BNC2: variants seen among roughly 807,000 people sequenced by gnomAD.
The protein encoded by BNC2 is zinc finger protein basonuclin-2.
Under a neutral mutation model 76.3 loss-of-function variants are expected in BNC2, and 20 were observed. The observed-to-expected ratio is 0.26, with a 90% CI of 0.18 to 0.38. The LOEUF (loss-of-function observed/expected upper bound fraction) is 0.38. Among genes scored for constraint, BNC2 ranks in the 10% least tolerant of loss-of-function variants. The probability of loss-of-function intolerance (pLI) is 1.00; values close to 1 mark genes in which losing one functional copy is unlikely to be tolerated. For synonymous variants in BNC2, 582 were observed against 514.8 expected (o/e 1.13, Z -1.77); for missense variants, 1,382 against 1,399.8 (o/e 0.99, Z 0.20).
chr9:16,659,411 C>T (rs1205073238), intron 3 of BNC2, among the ~76,000 whole-genome samples: 3 of 151,920 alleles, frequency 2.0e-5, no homozygotes, highest in Non-Finnish European at 4.4e-5. Flanking sequence ...AGATTGAGAC[C>T]ATCCTGGCCA....
At chr9:16,605,331 ACT>A (rs1316814585) in intron 3 of BNC2, among the ~76,000 whole-genome samples, 3 of 152,200 alleles carry the variant, frequency 2.0e-5, no homozygotes, top group African/African-American at 7.2e-5. Context: ...TGTTCTAAAC[ACT>A]CTGAATGGAC....
At chr9:16,609,430 A>C (rs1317141998) in intron 3 of BNC2, among the ~76,000 whole-genome samples, 2 of 152,180 alleles carry the variant, frequency 1.3e-5, no homozygotes, top group East Asian at 3.8e-4. Context: ...CTACAGGCCC[A>C]AAGGTGAAAG....
intron 5 of BNC2, among the ~76,000 whole-genome samples, chr9:16,514,863 A>T (rs1211951926): frequency 6.6e-6 from 1 of 152,248 alleles, no homozygotes; most frequent in Non-Finnish European, 1.5e-5. Context: ...TTCTTTCTTC[A>T]TTGCTAATGG....
intron 3 of BNC2, among the ~76,000 whole-genome samples, chr9:16,635,013 C>G (rs1035118050): frequency 6.6e-6 from 1 of 152,148 alleles, no homozygotes; most frequent in Non-Finnish European, 1.5e-5. Flanking sequence ...GTATAAATTA[C>G]ATACCGTATA....
Position 16,418,836 on chromosome 9 carries a change from A to G in BNC2, c.*153T>C. On this transcript the variant is annotated 3_prime_UTR_variant, in exon 7 of 7. Coordinates refer to ENST00000380672, the MANE Select transcript of BNC2 (RefSeq NM_017637.6). Reference sequence around the variant, plus strand: ...TTTATCTTGTTTATCTCAAGGAAATACGTGTGTGTATATGTAGCCACAGAG... The same window carrying G: ...TTTATCTTGTTTATCTCAAGGAAATGCGTGTGTGTATATGTAGCCACAGAG... 1.2e-6 allele frequency: 1 copy of G among 824,072 alleles called. No individual in the cohort carries two copies. Among genetic ancestry groups the G allele is most frequent in the Non-Finnish European group, 2.0e-6 (1 of 506,278 alleles). The allele number at this position is 824,072 out of a possible 1,614,324, so 51.0% of individuals were successfully genotyped here.
intron 3 of BNC2, among the ~76,000 whole-genome samples, chr9:16,641,540 C>G (rs1423462988): frequency 6.6e-6 from 1 of 152,136 alleles, no homozygotes; most frequent in African/African-American, 2.4e-5. Flanking sequence ...GTCTAATTTG[C>G]TAGACTGTTT....
intron 1 of BNC2, among the ~76,000 whole-genome samples, chr9:16,765,383 TGAA>T (rs1222516513): frequency 6.6e-6 from 1 of 152,156 alleles, no homozygotes; most frequent in Non-Finnish European, 1.5e-5. Context: ...AATCCACCCC[TGAA>T]ATGAAGGGAT....
intron 3 of BNC2, among the ~76,000 whole-genome samples, chr9:16,641,131 G>C (rs1821481505): frequency 1.3e-5 from 2 of 152,146 alleles, no homozygotes; most frequent in African/African-American, 4.8e-5. Flanking sequence ...CTATGTTGTA[G>C]AAATCATTAC....
intron 5 of BNC2, among the ~76,000 whole-genome samples, chr9:16,478,909 A>G (rs757026309): frequency 1.2e-4 from 18 of 152,228 alleles, no homozygotes; most frequent in Non-Finnish European, 2.4e-4. Flanking sequence ...ACCAATAAGC[A>G]AATGGGACTT....
chr9:16,790,841 A>G lies in BNC2; in HGVS notation c.4-52356T>C, dbSNP rs554162091. Among the ~76,000 whole-genome samples, 9 of 131,598 alleles carry G rather than the reference A, an allele frequency of 6.8e-5. No individual in the cohort carries two copies. The South Asian group carries it at 7.3e-4, about 11-fold the overall frequency. 86.3% of individuals were successfully genotyped at this position (131,598 alleles called of 152,430 possible). Reference sequence around the variant, plus strand: ...GCTTTTTTTTTTTTTTTTTTTAAGAATGCTGTTTACAATTAGCTAAAATTT... The same window carrying G: ...GCTTTTTTTTTTTTTTTTTTTAAGAGTGCTGTTTACAATTAGCTAAAATTT... On this transcript the variant is annotated intron_variant, in intron 1 of 6. Transcript: ENST00000380672.
chr9:16,809,220 T>C (rs1349261873), intron 1 of BNC2, among the ~76,000 whole-genome samples: 3 of 152,154 alleles, frequency 2.0e-5, no homozygotes, highest in South Asian at 2.1e-4. Context: ...GGAAGAACTG[T>C]TGACAATGAG....
At chr9:16,510,317 T>A (rs1288075480) in intron 5 of BNC2, among the ~76,000 whole-genome samples, 2 of 152,202 alleles carry the variant, frequency 1.3e-5, no homozygotes, top group African/African-American at 2.4e-5. Context: ...GTTGCTGATT[T>A]TCCTAGAGGT....
intron 5 of BNC2, among the ~76,000 whole-genome samples, chr9:16,531,950 T>A (rs997518474): frequency 5.9e-5 from 9 of 152,220 alleles, no homozygotes; most frequent in Admixed American, 2.6e-4. Flanking sequence ...CTTAAAATTC[T>A]GCCATTTGTT....
At chr9:16,791,296 C>T (rs1263898135) in intron 1 of BNC2, among the ~76,000 whole-genome samples, 1 of 152,012 alleles carries the variant, frequency 6.6e-6, no homozygotes, top group African/African-American at 2.4e-5. Flanking sequence ...CTCCTGACAT[C>T]GTGATCCGCC....
chr9:16,678,400 T>C (rs1429001424), intron 3 of BNC2, among the ~76,000 whole-genome samples: 3 of 147,770 alleles, frequency 2.0e-5, no homozygotes, highest in African/African-American at 7.5e-5. Context: ...TCCAAATAGC[T>C]GGGATTACAG....
chr9:16,799,685 G>C (rs1322605341), intron 1 of BNC2, among the ~76,000 whole-genome samples: 1 of 152,150 alleles, frequency 6.6e-6, no homozygotes, highest in African/African-American at 2.4e-5. Flanking sequence ...AAATCTTGAT[G>C]CTAACTACAT....
chr9:16,843,008 C>T (rs1465518577), intron 1 of BNC2, among the ~76,000 whole-genome samples: 1 of 152,094 alleles, frequency 6.6e-6, no homozygotes, highest in Non-Finnish European at 1.5e-5. Flanking sequence ...GAACTTATTT[C>T]AAAATTCAAA....
At chr9:16,602,557 A>G (rs1489575782) in intron 3 of BNC2, among the ~76,000 whole-genome samples, 1 of 152,212 alleles carries the variant, frequency 6.6e-6, no homozygotes, top group Non-Finnish European at 1.5e-5. Flanking sequence ...GTGGTGCCAC[A>G]TACCCCCTCA....
intron 5 of BNC2, among the ~76,000 whole-genome samples, chr9:16,526,531 C>G (rs1181431541): frequency 2.3e-5 from 3 of 131,180 alleles, no homozygotes; most frequent in African/African-American, 5.8e-5. Context: ...ATTTCCTGAG[C>G]CACGTCTGAA....
Sources: gnomAD v4.1 joint callset for allele counts (sites outside exome capture counted in the v4.1 genomes callset) on GRCh38, gnomAD v4.1.1 for gene constraint, MANE v1.5 for transcripts, NCBI Gene and HGNC (gene_info 2026-07-23, HGNC 2026-07-21) for gene names.